The following CAMSAP2 variants were observed in gnomAD, a reference collection of about 807,000 sequenced individuals.
CAMSAP2 encodes the protein calmodulin-regulated spectrin-associated protein 2.
A neutral mutation model predicts 146.1 loss-of-function variants in CAMSAP2; 26 were observed. The observed-to-expected ratio is 0.18, with a 90% confidence interval of 0.13 to 0.25. The LOEUF is 0.25. Ranked by LOEUF, CAMSAP2 falls within the 10% of genes least tolerant of loss-of-function variation. The pLI is 1.00. For synonymous variants in CAMSAP2, 499 were observed against 596.6 expected (o/e 0.84, Z 2.38); for missense variants, 1,381 against 1,759.3 (o/e 0.78, Z 3.85).
chr1:200,786,770 G>C (rs1665604762), intron 2 of CAMSAP2, among the ~76,000 whole-genome samples: 1 of 152,198 alleles, frequency 6.6e-6, no homozygotes, highest in Non-Finnish European at 1.5e-5. Context: ...AGAAGTCAGT[G>C]ACTGGCTTCA....
At chr1:200,805,517 T>C (rs996501884) in intron 2 of CAMSAP2, among the ~76,000 whole-genome samples, 2 of 152,242 alleles carry the variant, frequency 1.3e-5, no homozygotes, top group African/African-American at 4.8e-5. Flanking sequence ...CAACCCTGGC[T>C]GCTCATTAGC....
chr1:200,845,570 CG>C (rs887107933), intron 8 of CAMSAP2, among the ~76,000 whole-genome samples: 2 of 152,096 alleles, frequency 1.3e-5, no homozygotes, highest in African/African-American at 4.8e-5. Context: ...ATAGAAAATG[CG>C]GAATAAGCTC....
chr1:200,806,806 TATCTATCTATGCCAA>T (rs1666190064), intron 2 of CAMSAP2, among the ~76,000 whole-genome samples: 2 of 138,216 alleles, frequency 1.4e-5, no homozygotes, highest in African/African-American at 5.0e-5. Flanking sequence ...TCTATCTATC[TATCTATCTATGCCAA>T]ATCTATCTAT....
intron 2 of CAMSAP2, among the ~76,000 whole-genome samples, chr1:200,785,357 G>A (rs1362943739): frequency 6.6e-6 from 1 of 151,470 alleles, no homozygotes; most frequent in African/African-American, 2.4e-5. Context: ...CACTAGGTAT[G>A]CCACCGGGGC....
rs751635839 is a variant in CAMSAP2, at chr1:200,844,882, A to G, written c.1109+13A>G. The G allele has an allele frequency of 6.3e-6, 9 of 1,420,540 alleles. No individual in the cohort carries two copies. Among genetic ancestry groups the G allele is most frequent in the East Asian group, 2.4e-5 (1 of 41,902 alleles). 88.0% of individuals were successfully genotyped at this position (1,420,540 alleles called of 1,614,324 possible). On this transcript the variant is annotated intron_variant, in intron 8 of 16. Coordinates refer to ENST00000358823, the MANE Select transcript of CAMSAP2 (RefSeq NM_203459.4). ...ACTTCCCTTCAAGGTAAACTCCACA[A>G]TGACTTTATTTTCACCATTTCTATT...
chr1:200,775,792 A>C (rs552587065), intron 2 of CAMSAP2, among the ~76,000 whole-genome samples: 4 of 152,166 alleles, frequency 2.6e-5, no homozygotes, highest in Non-Finnish European at 4.4e-5. Flanking sequence ...CGGCCTCCCA[A>C]AGTGCTGGGA....
chr1:200,817,261 T>TACACACAC (rs113243124), intron 4 of CAMSAP2, among the ~76,000 whole-genome samples: 2 of 39,210 alleles, frequency 5.1e-5, no homozygotes, highest in Non-Finnish European at 4.5e-5. Flanking sequence ...TGTGTGTGTA[T>TACACACAC]ATACACACAT....
chr1:200,780,926 G>A lies in CAMSAP2; in HGVS notation c.399+19828G>A, dbSNP rs372204132. Among the ~76,000 whole-genome samples, 22 of 152,296 alleles carry A rather than the reference G, an allele frequency of 1.4e-4. No homozygotes were observed. The East Asian group carries it at 3.5e-3, about 24-fold the overall frequency. On this transcript the variant is annotated intron_variant, in intron 2 of 16. Coordinates refer to ENST00000358823, the MANE Select transcript of CAMSAP2 (RefSeq NM_203459.4). ...CCTGACTGAGTGGTAGAGGTAAATT[G>A]GGGAACAGTTACGATTATGTCAAAA... is the stretch of plus-strand genomic sequence containing the variant.
intron 2 of CAMSAP2, among the ~76,000 whole-genome samples, chr1:200,775,244 A>G (rs1027239979): frequency 6.6e-6 from 1 of 152,222 alleles, no homozygotes; most frequent in African/African-American, 2.4e-5. Context: ...CTCTGATGTA[A>G]GAGGAGTTTG....
At chr1:200,822,980 T>G (rs1170316909) in intron 4 of CAMSAP2, among the ~76,000 whole-genome samples, 1 of 152,236 alleles carries the variant, frequency 6.6e-6, no homozygotes, top group Admixed American at 6.5e-5. Flanking sequence ...AGCTATATTA[T>G]GTTTCCGTTT....
At chr1:200,814,466 C>T (rs1426105782) in intron 3 of CAMSAP2, among the ~76,000 whole-genome samples, 6 of 151,444 alleles carry the variant, frequency 4.0e-5, no homozygotes, top group East Asian at 1.9e-4. Context: ...AAAAATTAGC[C>T]GGGCATGATG....
At chr1:200,828,973 T>G (rs939871625) in intron 4 of CAMSAP2, among the ~76,000 whole-genome samples, 1 of 151,414 alleles carries the variant, frequency 6.6e-6, no homozygotes, top group African/African-American at 2.4e-5. Flanking sequence ...CTGACCAACA[T>G]GGAAAAACCC....
intron 2 of CAMSAP2, among the ~76,000 whole-genome samples, chr1:200,789,240 C>G (rs927337211): frequency 1.3e-5 from 2 of 152,054 alleles, no homozygotes; most frequent in African/African-American, 4.8e-5. Context: ...GGTTTTGTAT[C>G]TAAGAAGTCA....
chr1:200,768,866 A>G (rs554434757), intron 2 of CAMSAP2, among the ~76,000 whole-genome samples: 35 of 151,964 alleles, frequency 2.3e-4, no homozygotes, highest in Non-Finnish European at 4.3e-4. Context: ...GTTAGCCAGG[A>G]TGGTCTCGAC....
Position 200,832,988 on chromosome 1 carries a change from G to A in CAMSAP2, c.927+143G>A. 1 of 636,104 alleles carries A rather than the reference G, an allele frequency of 1.6e-6. No homozygotes were observed. Among genetic ancestry groups the A allele is most frequent in the Non-Finnish European group, 2.4e-6 (1 of 419,428 alleles). The allele number at this position is 636,104 out of a possible 1,614,324, so 39.4% of individuals were successfully genotyped here. On this transcript the variant is annotated intron_variant, in intron 6 of 16. Coordinates refer to ENST00000358823, the MANE Select transcript of CAMSAP2 (RefSeq NM_203459.4). This position sits in a 1 kb window ranked among gnomAD's most constrained non-coding sequence, Gnocchi z 4.2. The stretch of plus-strand genomic sequence containing the variant: ...AGGTGGGAGGATTGCTTAAGCCTGG[G>A]AGGTTGAGGCTTCAGTGAGCGATGA...
At chr1:200,769,460 T>C (rs1665053180) in intron 2 of CAMSAP2, among the ~76,000 whole-genome samples, 1 of 152,126 alleles carries the variant, frequency 6.6e-6, no homozygotes, top group Non-Finnish European at 1.5e-5. Context: ...CTGGAGATAG[T>C]ATCAGATCAG....
At chr1:200,746,213 G>A (rs1034556770) in intron 1 of CAMSAP2, among the ~76,000 whole-genome samples, 1 of 152,198 alleles carries the variant, frequency 6.6e-6, no homozygotes, top group African/African-American at 2.4e-5. Context: ...ATGAATTGGA[G>A]GAGGGCCAAG....
chr1:200,741,779 T>TA (rs1210695572), intron 1 of CAMSAP2, among the ~76,000 whole-genome samples: 46 of 152,306 alleles, frequency 3.0e-4, no homozygotes, highest in African/African-American at 9.6e-4. Context: ...GGGAATCTAG[T>TA]ATCAGTGGAA....
At position 200,859,794 on chromosome 1, in the gene CAMSAP2, C is replaced by T. The variant is rs1667835351; in HGVS notation, c.*1735C>T. On this transcript the variant is annotated 3_prime_UTR_variant, in exon 17 of 17. Coordinates refer to ENST00000358823, the MANE Select transcript of CAMSAP2 (RefSeq NM_203459.4). ...ACCTTTTGGACAGTAATTTCTATCA[C>T]AGTTAGAAGGAAATGATAGTCAAAT... 1 of 152,088 alleles carries T rather than the reference C, an allele frequency of 6.6e-6. No individual in the cohort carries two copies. The highest frequency in any genetic ancestry group is 1.5e-5 in the Non-Finnish European group (1 of 67,924). The allele number at this position is 152,088 out of a possible 1,614,324, so 9.4% of individuals were successfully genotyped here.
Sources: allele counts gnomAD v4.1 joint callset (sites outside exome capture counted in the v4.1 genomes callset), GRCh38; gene constraint gnomAD v4.1.1; non-coding constraint Gnocchi (gnomAD v3.1); transcripts MANE v1.5; gene names NCBI Gene and HGNC (gene_info 2026-07-23, HGNC 2026-07-21).